Variants in RORA observed in about 807,000 individuals in gnomAD.
RORA encodes the protein nuclear receptor ROR-alpha.
RORA carries 7 observed loss-of-function variants against 69.5 expected under a neutral mutation model. The observed-to-expected ratio is 0.10, with a 90% CI of 0.06 to 0.19. The LOEUF (loss-of-function observed/expected upper bound fraction) is 0.19. RORA is among the 10% of genes least tolerant of loss of function. RORA has a pLI of 1.00. For synonymous variants in RORA, 261 were observed against 240.8 expected, an observed-to-expected ratio of 1.08 and a Z score of -0.78; for missense variants, 457 against 663.0, an observed-to-expected ratio of 0.69 and a Z score of 3.41.
intron 3 of RORA, chr15:60,529,273 T>C (rs971548284): frequency 1.3e-5 from 2 of 152,206 alleles, no homozygotes; most frequent in Non-Finnish European, 2.9e-5. Flanking sequence ...AGCAAAGTTA[T>C]TTACAATTGA....
At chr15:61,018,063 C>G (rs996338474) in intron 1 of RORA, among the ~76,000 whole-genome samples, 1 of 152,230 alleles carries the variant, frequency 6.6e-6, no homozygotes, top group Non-Finnish European at 1.5e-5. Flanking sequence ...ATTCAACTGT[C>G]TTTTCTATTT....
chr15:60,559,070 C>T (rs1031054835), intron 2 of RORA, among the ~76,000 whole-genome samples: 11 of 151,558 alleles, frequency 7.3e-5, no homozygotes, highest in African/African-American at 2.7e-4. Context: ...TTATAAACAA[C>T]AAAATCTAAT....
intron 1 of RORA, among the ~76,000 whole-genome samples, chr15:61,134,027 A>G (rs1392315290): frequency 6.6e-6 from 1 of 152,170 alleles, no homozygotes; most frequent in African/African-American, 2.4e-5. Context: ...TTGCAGACTC[A>G]AGCAGGTAGG....
intron 1 of RORA, among the ~76,000 whole-genome samples, chr15:60,805,452 C>T (rs1449321349): frequency 2.0e-5 from 3 of 152,196 alleles, no homozygotes; most frequent in Non-Finnish European, 2.9e-5. Flanking sequence ...AGTCAGGAGT[C>T]AGAAGGGACT....
intron 1 of RORA, among the ~76,000 whole-genome samples, chr15:60,842,857 C>G (rs962243094): frequency 2.0e-5 from 3 of 152,100 alleles, no homozygotes; most frequent in African/African-American, 7.2e-5. Flanking sequence ...GACACGCAGC[C>G]CAGGAAGCTT....
At chr15:60,703,130 C>T (rs1460100148) in intron 1 of RORA, among the ~76,000 whole-genome samples, 1 of 132,972 alleles carries the variant, frequency 7.5e-6, no homozygotes, top group African/African-American at 3.0e-5. Flanking sequence ...CAGATTAACA[C>T]ACACACACAC....
intron 1 of RORA, among the ~76,000 whole-genome samples, chr15:60,863,597 T>C (rs1304235578): frequency 6.6e-6 from 1 of 152,252 alleles, no homozygotes; most frequent in East Asian, 1.9e-4. Context: ...AATGATTCTC[T>C]GCCTTAATTC....
chr15:60,575,403 T>C (rs2067996518), intron 2 of RORA, among the ~76,000 whole-genome samples: 1 of 152,202 alleles, frequency 6.6e-6, no homozygotes, highest in Non-Finnish European at 1.5e-5. Context: ...TACTGTAAGG[T>C]CATAGGTCCA....
At chr15:61,143,908 A>G (rs1374239935) in intron 1 of RORA, among the ~76,000 whole-genome samples, 2 of 152,226 alleles carry the variant, frequency 1.3e-5, no homozygotes, top group Non-Finnish European at 2.9e-5. Context: ...CAAAAGAGAA[A>G]GAAAAAAATG....
At chr15:60,725,834 C>T (rs2071350051) in intron 1 of RORA, among the ~76,000 whole-genome samples, 1 of 152,084 alleles carries the variant, frequency 6.6e-6, no homozygotes, top group South Asian at 2.1e-4. Flanking sequence ...AAATGTCCTC[C>T]ACTGGGTCAG....
At chr15:61,150,706 G>A (rs1478200867) in intron 1 of RORA, among the ~76,000 whole-genome samples, 2 of 152,154 alleles carry the variant, frequency 1.3e-5, no homozygotes, top group African/African-American at 4.8e-5. Context: ...AATTCTACCT[G>A]TGGATTTGGA....
chr15:61,043,750 G>T (rs1475287651), intron 1 of RORA, among the ~76,000 whole-genome samples: 1 of 152,128 alleles, frequency 6.6e-6, no homozygotes, highest in African/African-American at 2.4e-5. Flanking sequence ...GACTATAGAA[G>T]AAGGCAGGAG....
chr15:61,179,178 C>G (rs2079659217), intron 1 of RORA, among the ~76,000 whole-genome samples: 1 of 152,192 alleles, frequency 6.6e-6, no homozygotes, highest in Admixed American at 6.5e-5. Flanking sequence ...CATGATTTAG[C>G]ACAGCAGTTC....
intron 1 of RORA, among the ~76,000 whole-genome samples, chr15:60,851,334 T>C (rs1567213813): frequency 6.6e-6 from 1 of 152,182 alleles, no homozygotes; most frequent in Non-Finnish European, 1.5e-5. Context: ...ACCTTGGAGA[T>C]GCAGTTCCTT....
intron 1 of RORA, among the ~76,000 whole-genome samples, chr15:60,775,553 C>A (rs769137150): frequency 6.6e-6 from 1 of 152,170 alleles, no homozygotes; most frequent in Non-Finnish European, 1.5e-5. Context: ...TATTTCTGGT[C>A]TAAGCTTTAA....
At chr15:60,750,552 T>C (rs8025196) in intron 1 of RORA, among the ~76,000 whole-genome samples, 3,870 of 152,314 alleles carry the variant, frequency 0.025, 170 homozygotes, top group African/African-American at 0.09. Context: ...GTGAGCGTTC[T>C]GTCCAGGTAT....
At chr15:60,530,529 A>G (rs1470063059) in intron 3 of RORA, 5 of 152,226 alleles carry the variant, frequency 3.3e-5, no homozygotes, top group Non-Finnish European at 5.9e-5. Flanking sequence ...AGTAAAGGGC[A>G]TAGATGGTTC....
At chr15:61,062,600 G>A (rs537514874) in intron 1 of RORA, among the ~76,000 whole-genome samples, 2 of 152,312 alleles carry the variant, frequency 1.3e-5, no homozygotes, top group East Asian at 1.9e-4. Flanking sequence ...GCATGTCTGT[G>A]ACCCCTGCTT....
In RORA at chr15:60,923,533, G is replaced by C. The variant is rs1443742429; in HGVS notation, c.167-244847C>G. The stretch of plus-strand genomic sequence containing the variant: ...GACACTCAGAGTCACTTGAGTCAAG[G>C]CACCAACTTCCGTGGGCTTCCGATG... On this transcript the variant is annotated intron_variant, in intron 1 of 10. Transcript: ENST00000335670. Among the ~76,000 whole-genome samples the C allele has an allele frequency of 3.3e-5, 5 of 152,154 alleles. No individual in the cohort carries two copies. In the East Asian group the frequency reaches 9.6e-4, roughly 29 times the overall value.
Sources: allele counts gnomAD v4.1 joint callset (sites outside exome capture counted in the v4.1 genomes callset), GRCh38; gene constraint gnomAD v4.1.1; transcripts MANE v1.5; gene names NCBI Gene and HGNC (gene_info 2026-07-23, HGNC 2026-07-21).